The following CFAP92 variants were observed in gnomAD, a reference collection of about 807,000 sequenced individuals.
The protein encoded by CFAP92 is uncharacterized protein CFAP92.
In CFAP92, 86 loss-of-function variants were observed where a neutral mutation model predicts 106.3. The observed-to-expected ratio is 0.81, with a 90% CI of 0.68 to 0.97. CFAP92 has a LOEUF of 0.97. Among genes scored for constraint, CFAP92 ranks in the 50% least tolerant of loss-of-function variants. The pLI is 0.00. For missense variants in CFAP92, 1,204 were observed against 1,283.8 expected (o/e 0.94, Z 0.95); for synonymous variants, 477 against 506.4 (o/e 0.94, Z 0.78).
intron 9 of CFAP92, among the ~76,000 whole-genome samples, chr3:128,952,676 G>A (rs1461826293): frequency 6.6e-6 from 1 of 152,180 alleles, no homozygotes; most frequent in Admixed American, 6.5e-5. Flanking sequence ...AGCTGCTCGG[G>A]AGGCTGAGGT....
intron 9 of CFAP92, among the ~76,000 whole-genome samples, chr3:128,950,406 A>G (rs187623286): frequency 6.6e-6 from 1 of 152,354 alleles, no homozygotes; most frequent in East Asian, 1.9e-4. Flanking sequence ...CAGACAGTGG[A>G]GGAAAACGTC....
intron 15 of CFAP92, among the ~76,000 whole-genome samples, chr3:128,911,354 G>C (rs948706922): frequency 1.3e-5 from 2 of 149,950 alleles, no homozygotes; most frequent in Admixed American, 1.3e-4. Flanking sequence ...CACCGCACCG[G>C]GCCTGCCAAG....
the CFAP92 span, among the ~76,000 whole-genome samples, chr3:129,019,564 T>G: frequency 6.6e-6 from 1 of 152,160 alleles, no homozygotes; most frequent in African/African-American, 2.4e-5. Flanking sequence ...GAACTACAGT[T>G]CTGGGAAAAA....
At chr3:128,925,042 G>GC (rs1937560014) in intron 12 of CFAP92, among the ~76,000 whole-genome samples, 2 of 152,198 alleles carry the variant, frequency 1.3e-5, no homozygotes, top group African/African-American at 2.4e-5. Context: ...GGACTTTGTG[G>GC]CCCCCACAGC....
the CFAP92 span, among the ~76,000 whole-genome samples, chr3:129,026,691 T>G: frequency 1.2e-3 from 182 of 152,264 alleles, 1 homozygote; most frequent in African/African-American, 4.3e-3. Context: ...CCTTATTCCC[T>G]TGTGTCTTTT....
In CFAP92 at chr3:128,971,286, C is replaced by T; in HGVS notation, c.1168+1G>A. ...CTGGGAACAGGGCAAGCAGTGGGTA[C>T]CGGCAAGGAGCGGCATGACGGCCAG... On this transcript the variant is annotated splice_donor_variant, in intron 8 of 15. Transcript: ENST00000645291. LOFTEE classifies it high-confidence loss of function. 1.2e-6 allele frequency: 2 copies of T among 1,613,744 alleles called. No individual in the cohort carries two copies. The highest frequency in any genetic ancestry group is 1.7e-6 in the Non-Finnish European group (2 of 1,179,826).
intron 15 of CFAP92, chr3:128,914,898 A>G (rs1936678514): frequency 3.6e-6 from 2 of 554,740 alleles, no homozygotes; most frequent in South Asian, 2.4e-5. Context: ...ATTTGCCTCA[A>G]GTCACACAAA....
At chr3:128,910,943 G>A in intron 15 of CFAP92, 1 of 1,058,318 alleles carries the variant, frequency 9.4e-7, no homozygotes, top group South Asian at 1.3e-5. Context: ...CTTGAGCGAG[G>A]GCCTGGGTAG....
chr3:128,959,761 C>T (rs1941735115), intron 9 of CFAP92, among the ~76,000 whole-genome samples: 1 of 152,224 alleles, frequency 6.6e-6, no homozygotes, highest in South Asian at 2.1e-4. Flanking sequence ...ATCCCAGGAA[C>T]CCCATCTCTT....
chr3:128,918,844 A>T (rs1203000110), intron 12 of CFAP92, among the ~76,000 whole-genome samples: 2 of 152,192 alleles, frequency 1.3e-5, no homozygotes, highest in Non-Finnish European at 2.9e-5. Context: ...TCCAAGGAAC[A>T]CAGGAACGGA....
chr3:129,017,013 C>G, the CFAP92 span, among the ~76,000 whole-genome samples: 2 of 152,226 alleles, frequency 1.3e-5, no homozygotes, highest in African/African-American at 4.8e-5. Flanking sequence ...TCATCTTCCA[C>G]TCTGTTTTCC....
upstream of CFAP92, chr3:129,003,444 C>G (rs1052160965): frequency 3.6e-6 from 1 of 275,986 alleles, no homozygotes; most frequent in Non-Finnish European, 5.5e-6. Context: ...GAGGAACCGC[C>G]ACCCGGCAGG....
rs762532998 is a variant in CFAP92 at position 128,935,132 on chromosome 3, G to C, written c.2446C>G (p.Leu816Val). The C allele has an allele frequency of 3.8e-4, 581 of 1,525,064 alleles. No homozygotes were observed. The highest frequency in any genetic ancestry group is 4.9e-4 in the Non-Finnish European group (560 of 1,139,978). 94.5% of individuals were successfully genotyped at this position (1,525,064 alleles called of 1,614,324 possible). A position where few individuals can be genotyped will look rare whatever the true frequency, so the allele number is the denominator to read the frequency against. ...DTERRRVFQA[L>V]ARIHDICYNS... ...CGAGCTGCCACTGCCCACCTGGCTAGAGCCTGGAAGACCCGCCTCCGCTCA... is the reference window on the plus strand; with the variant it reads ...CGAGCTGCCACTGCCCACCTGGCTACAGCCTGGAAGACCCGCCTCCGCTCA... The change falls in exon 11 of 16, where the codon CTA (leucine) becomes GTA (valine). Residue 816 changes from leucine to valine, a missense_variant. Leu to Val is a conservative substitution (Grantham distance 32). Coordinates refer to ENST00000645291, the MANE Select transcript of CFAP92 (RefSeq NM_001394090.1).
upstream of CFAP92, chr3:129,004,098 T>G (rs1944947141): frequency 6.8e-7 from 1 of 1,472,412 alleles, no homozygotes; most frequent in East Asian, 2.8e-5. Flanking sequence ...GCGCGTGCCC[T>G]GGGCCCAAGT....
At chr3:128,994,701 A>G (rs1446947987), upstream of CFAP92, among the ~76,000 whole-genome samples, 3 of 152,108 alleles carry the variant, frequency 2.0e-5, no homozygotes, top group Non-Finnish European at 4.4e-5. Context: ...GGACTGCCTG[A>G]CTCCAAAGCC....
chr3:128,917,050 G>A (rs1936873311), intron 12 of CFAP92, among the ~76,000 whole-genome samples: 1 of 152,088 alleles, frequency 6.6e-6, no homozygotes, highest in South Asian at 2.1e-4. Flanking sequence ...AAATAATCAG[G>A]GGAGGACAAA....
chr3:128,916,032 C>G, intron 13 of CFAP92, 75 bp downstream of exon 13: 1 of 1,092,592 alleles, frequency 9.2e-7, no homozygotes, highest in Non-Finnish European at 1.2e-6. Flanking sequence ...CCCCCACTGA[C>G]CTCCAGGCAG....
the CFAP92 span, among the ~76,000 whole-genome samples, chr3:129,009,608 CATTGA>C: frequency 6.6e-6 from 1 of 152,214 alleles, no homozygotes; most frequent in African/African-American, 2.4e-5. Context: ...GAGCAAGGCC[CATTGA>C]ACTCTGGAAA....
chr3:129,001,675 G>A (rs553070355), intron 1 of CFAP92: 1 of 1,461,466 alleles, frequency 6.8e-7, no homozygotes, highest in South Asian at 1.4e-5. Context: ...GAGGGCGCGG[G>A]AGGTGACCCG....
Sources: allele counts gnomAD v4.1 joint callset (sites outside exome capture counted in the v4.1 genomes callset), GRCh38; gene constraint gnomAD v4.1.1; transcripts MANE v1.5; gene names NCBI Gene and HGNC (gene_info 2026-07-23, HGNC 2026-07-21).